EXT1: variants seen among roughly 807,000 people sequenced by gnomAD.
EXT1 encodes the protein exostosin-1.
In EXT1, 20 loss-of-function variants were observed where a neutral mutation model predicts 82.5. That is an observed-to-expected ratio of 0.24 (90% CI 0.17 to 0.35). EXT1 has a LOEUF of 0.35. EXT1 is among the 10% of genes least tolerant of loss of function. The probability of loss-of-function intolerance (pLI) is 1.00; values close to 1 mark genes in which losing one functional copy is unlikely to be tolerated. For missense variants in EXT1, 757 were observed against 936.5 expected, an observed-to-expected ratio of 0.81 and a Z score of 2.50; for synonymous variants, 348 against 350.8, an observed-to-expected ratio of 0.99 and a Z score of 0.09.
In EXT1 at chr8:117,897,591, C is replaced by CTTTTTTTTTTTTT. The variant is rs34963536; in HGVS notation, c.963-60403_963-60391dup. On this transcript the variant is annotated intron_variant, in intron 1 of 10. Coordinates refer to ENST00000378204, the MANE Select transcript of EXT1 (RefSeq NM_000127.3). ...TAGCCCATTGCCGGGCTTCTTTTCT[C>CTTTTTTTTTTTTT]TTTTTTTTTTTTTTTTTTTTTGAGA... is the stretch of plus-strand genomic sequence containing the variant. Among the ~76,000 whole-genome samples the CTTTTTTTTTTTTT allele has an allele frequency of 2.9e-4, 26 of 90,690 alleles. 2 individuals carry two copies. The highest frequency in any genetic ancestry group is 5.7e-4 in the African/African-American group (13 of 22,896). 59.5% of individuals were successfully genotyped at this position (90,690 alleles called of 152,430 possible). A position where few individuals can be genotyped will look rare whatever the true frequency, so the allele number is the denominator to read the frequency against.
chr8:117,954,861 A>G (rs1402395112), intron 1 of EXT1, among the ~76,000 whole-genome samples: 1 of 152,208 alleles, frequency 6.6e-6, no homozygotes, highest in Non-Finnish European at 1.5e-5. Flanking sequence ...ATTGAATTCA[A>G]TTCTGACAGT....
rs143409552 is a variant in EXT1, at chr8:117,997,222, C to A, written c.962+112863G>T. 8.0e-5 allele frequency among the ~76,000 whole-genome samples: 12 copies of A among 149,544 alleles called. No homozygotes were observed. In the East Asian group the frequency reaches 2.1e-3, roughly 27 times the overall value. ...CAAATTGAGGCATTGATTGGCCCTTCCCCGTATGGTATAGTTGTCATACTA... is the reference window on the plus strand; with the variant it reads ...CAAATTGAGGCATTGATTGGCCCTTACCCGTATGGTATAGTTGTCATACTA... On this transcript the variant is annotated intron_variant, in intron 1 of 10. Transcript: ENST00000378204.
chr8:117,971,648 T>C (rs1407388916), intron 1 of EXT1, among the ~76,000 whole-genome samples: 1 of 152,208 alleles, frequency 6.6e-6, no homozygotes, highest in Non-Finnish European at 1.5e-5. Flanking sequence ...CAAATTAATA[T>C]TGGCGATGAA....
At chr8:117,888,404 G>T (rs1444872242) in intron 1 of EXT1, among the ~76,000 whole-genome samples, 1 of 152,108 alleles carries the variant, frequency 6.6e-6, no homozygotes, top group Non-Finnish European at 1.5e-5. Context: ...TTCAAAATTG[G>T]TTGCTTAACA....
chr8:118,042,060 AC>A (rs1275623421), intron 1 of EXT1, among the ~76,000 whole-genome samples: 1 of 151,220 alleles, frequency 6.6e-6, no homozygotes, highest in Non-Finnish European at 1.5e-5. Context: ...ATAAATGAGG[AC>A]CCCCTCGTAC....
chr8:118,087,762 T>C (rs1046515737), intron 1 of EXT1, among the ~76,000 whole-genome samples: 3 of 152,188 alleles, frequency 2.0e-5, no homozygotes, highest in Non-Finnish European at 4.4e-5. Context: ...TACATATTAA[T>C]GTACAAAGAG....
intron 1 of EXT1, among the ~76,000 whole-genome samples, chr8:117,908,281 C>G (rs1189808912): frequency 6.6e-6 from 1 of 152,156 alleles, no homozygotes; most frequent in African/African-American, 2.4e-5. Context: ...TATTCTGTAT[C>G]TCTTACAAAT....
chr8:117,831,262 TCTTTA>T (rs1012228817), intron 3 of EXT1, among the ~76,000 whole-genome samples: 1 of 152,242 alleles, frequency 6.6e-6, no homozygotes, highest in African/African-American at 2.4e-5. Context: ...AGACTCCACT[TCTTTA>T]CTTATAAAGT....
At chr8:117,837,281 T>C in intron 1 of EXT1, 80 bp from the exon 2 acceptor site, 1 of 1,186,052 alleles carries the variant, frequency 8.4e-7, no homozygotes, top group Non-Finnish European at 1.3e-6. Context: ...GGCGCCCATG[T>C]GCATGAATTT....
At chr8:117,872,100 C>T (rs935314116) in intron 1 of EXT1, among the ~76,000 whole-genome samples, 2 of 145,892 alleles carry the variant, frequency 1.4e-5, no homozygotes, top group Admixed American at 1.4e-4. Context: ...TATCACACCA[C>T]TACACTGCAG....
chr8:117,965,653 T>C (rs1358047888), intron 1 of EXT1, among the ~76,000 whole-genome samples: 1 of 152,182 alleles, frequency 6.6e-6, no homozygotes, highest in African/African-American at 2.4e-5. Flanking sequence ...GTAAGTTAGA[T>C]AGAAACTGTG....
rs534181581 is a variant in EXT1 at position 117,794,520 on chromosome 8, T to C, written c.*5192A>G. 1.4e-5 allele frequency: 2 copies of C among 145,902 alleles called. No homozygotes were observed. Among genetic ancestry groups the C allele is most frequent in the Admixed American group, 1.4e-4 (2 of 14,702 alleles). The allele number at this position is 145,902 out of a possible 1,614,324, so 9.0% of individuals were successfully genotyped here. A position where few individuals can be genotyped will look rare whatever the true frequency, so the allele number is the denominator to read the frequency against. On this transcript the variant is annotated 3_prime_UTR_variant, in exon 11 of 11. Transcript: ENST00000378204. Reference sequence around the variant, plus strand: ...AGTCATGTCATTTATTAATAATTTCTTTTTTTTTTCTTCTATAAATTGGAA... The same window carrying C: ...AGTCATGTCATTTATTAATAATTTCCTTTTTTTTTCTTCTATAAATTGGAA...
intron 1 of EXT1, among the ~76,000 whole-genome samples, chr8:118,057,929 G>C (rs1299727129): frequency 6.9e-6 from 1 of 145,186 alleles, no homozygotes; most frequent in Non-Finnish European, 1.5e-5. Context: ...CCAAGATTGC[G>C]CCACTGCACT....
intron 1 of EXT1, among the ~76,000 whole-genome samples, chr8:118,018,988 C>T (rs1816051410): frequency 6.6e-6 from 1 of 151,812 alleles, no homozygotes; most frequent in Non-Finnish European, 1.5e-5. Flanking sequence ...TTTTATAATG[C>T]TGCAATCTAC....
intron 1 of EXT1, among the ~76,000 whole-genome samples, chr8:117,991,439 A>G (rs1815433169): frequency 6.6e-6 from 1 of 152,074 alleles, no homozygotes; most frequent in African/African-American, 2.4e-5. Context: ...GCCTACCACC[A>G]CTGGACCCTC....
intron 1 of EXT1, among the ~76,000 whole-genome samples, chr8:118,007,788 GA>G (rs957061719): frequency 6.6e-6 from 1 of 152,010 alleles, no homozygotes; most frequent in Non-Finnish European, 1.5e-5. Context: ...AAGAGAGAAA[GA>G]AAAAAATGAA....
intron 1 of EXT1, among the ~76,000 whole-genome samples, chr8:117,944,419 G>T (rs917842395): frequency 6.6e-6 from 1 of 152,020 alleles, no homozygotes; most frequent in Non-Finnish European, 1.5e-5. Flanking sequence ...AGTGAAATCG[G>T]AGTTAATGCC....
intron 1 of EXT1, among the ~76,000 whole-genome samples, chr8:117,983,213 G>A (rs1815244113): frequency 6.6e-6 from 1 of 152,240 alleles, no homozygotes; most frequent in African/African-American, 2.4e-5. Context: ...ACCAGGCATT[G>A]TGACTCACAC....
At chr8:117,836,455 T>C (rs544618429) in intron 2 of EXT1, among the ~76,000 whole-genome samples, 27 of 152,228 alleles carry the variant, frequency 1.8e-4, no homozygotes, top group South Asian at 6.2e-4. Flanking sequence ...GGAAAGAACA[T>C]AGTAGCAAAG....
Sources: gnomAD v4.1 joint callset for allele counts (sites outside exome capture counted in the v4.1 genomes callset) on GRCh38, gnomAD v4.1.1 for gene constraint, MANE v1.5 for transcripts, NCBI Gene and HGNC (gene_info 2026-07-23, HGNC 2026-07-21) for gene names.